KCNJ6: variants seen among roughly 807,000 people sequenced by gnomAD.
KCNJ6 encodes potassium inwardly rectifying channel subfamily J member 6, also known as G protein-activated inward rectifier potassium channel 2.
In KCNJ6, 9 loss-of-function variants were observed where a neutral mutation model predicts 34.2. The ratio of observed to expected loss-of-function variants is 0.26; its 90% CI spans 0.16 to 0.46. The LOEUF (loss-of-function observed/expected upper bound fraction) is 0.46. KCNJ6 is among the 20% of genes least tolerant of loss of function. KCNJ6 has a pLI of 1.00. For missense variants in KCNJ6, 236 were observed against 531.3 expected (o/e 0.44, Z 5.46); for synonymous variants, 196 against 207.1 (o/e 0.95, Z 0.46).
chr21:37,745,072 G>GTTTTTTTTTT (rs58661633), intron 2 of KCNJ6, among the ~76,000 whole-genome samples: 1 of 89,458 alleles, frequency 1.1e-5, no homozygotes, highest in Non-Finnish European at 2.1e-5. Flanking sequence ...AACGTTGCTG[G>GTTTTTTTTTT]TTTTTTTTTT....
intron 3 of KCNJ6, among the ~76,000 whole-genome samples, chr21:37,703,178 T>A (rs2054700485): frequency 6.6e-6 from 1 of 152,108 alleles, no homozygotes; most frequent in African/African-American, 2.4e-5. Context: ...TTGATGGAAA[T>A]AGAACTATTA....
chr21:37,630,152 G>GTGTGTGTGTA (rs1050270468), intron 3 of KCNJ6, among the ~76,000 whole-genome samples: 2 of 151,186 alleles, frequency 1.3e-5, no homozygotes, highest in Non-Finnish European at 2.9e-5. Flanking sequence ...GTGTGTGTGT[G>GTGTGTGTGTA]TGTGTGGTGT....
At chr21:37,710,980 C>T (rs942487559) in intron 3 of KCNJ6, among the ~76,000 whole-genome samples, 1 of 152,188 alleles carries the variant, frequency 6.6e-6, no homozygotes, top group Non-Finnish European at 1.5e-5. Flanking sequence ...TGAAAGGTCG[C>T]CTGGCATGTC....
At chr21:37,797,143 C>G (rs1325903238) in intron 2 of KCNJ6, among the ~76,000 whole-genome samples, 1 of 151,982 alleles carries the variant, frequency 6.6e-6, no homozygotes, top group Non-Finnish European at 1.5e-5. Context: ...CTCAATGCCA[C>G]CTCTCTGCCC....
intron 2 of KCNJ6, among the ~76,000 whole-genome samples, chr21:37,724,343 C>G (rs1454846611): frequency 6.6e-6 from 1 of 152,118 alleles, no homozygotes; most frequent in Non-Finnish European, 1.5e-5. Context: ...TTTTTACAAC[C>G]CTTACAACAC....
chr21:37,794,646 A>G (rs1346874162), intron 2 of KCNJ6, among the ~76,000 whole-genome samples: 2 of 152,174 alleles, frequency 1.3e-5, no homozygotes, highest in Non-Finnish European at 2.9e-5. Context: ...CAAACACCAC[A>G]TATTCTCATT....
chr21:37,754,911 G>C (rs2055016192), intron 2 of KCNJ6, among the ~76,000 whole-genome samples: 1 of 152,186 alleles, frequency 6.6e-6, no homozygotes, highest in Admixed American at 6.5e-5. Context: ...CTAAGCCGCA[G>C]TGCAGCTGGA....
At chr21:37,732,345 G>A (rs573654369) in intron 2 of KCNJ6, among the ~76,000 whole-genome samples, 3 of 152,276 alleles carry the variant, frequency 2.0e-5, no homozygotes, top group Admixed American at 6.5e-5. Flanking sequence ...CACCTATCCT[G>A]GAGTGTCCAT....
intron 1 of KCNJ6, among the ~76,000 whole-genome samples, chr21:37,872,802 C>T (rs10460715): frequency 0.43 from 64,659 of 151,906 alleles, 14,970 homozygotes; most frequent in South Asian, 0.59. Flanking sequence ...GGGAACTGGT[C>T]GGAGGTAATT....
chr21:37,728,631 G>A (rs536905334), intron 2 of KCNJ6, among the ~76,000 whole-genome samples: 13 of 152,160 alleles, frequency 8.5e-5, no homozygotes, highest in African/African-American at 2.4e-4. Flanking sequence ...TGATTCCTGC[G>A]ATCTTGGATT....
intron 3 of KCNJ6, among the ~76,000 whole-genome samples, chr21:37,687,242 C>T (rs535488294): frequency 9.2e-5 from 14 of 152,266 alleles, no homozygotes; most frequent in African/African-American, 3.4e-4. Flanking sequence ...CAGCCGGTAT[C>T]TCAGCAACGC....
chr21:37,905,588 A>G (rs1319352004), intron 1 of KCNJ6, among the ~76,000 whole-genome samples: 1 of 151,992 alleles, frequency 6.6e-6, no homozygotes. Context: ...ACTCCTTCAC[A>G]TTTCCCCACA....
At position 37,741,134 on chromosome 21, in the gene KCNJ6, T is replaced by C. The variant is rs150937955; in HGVS notation, c.26-26003A>G. ...TTCCCTCAATTTCTTTGCTGTCATA[T>C]TGACTTGCTTGCAAGATATTTCCAC... is the stretch of plus-strand genomic sequence containing the variant. On this transcript the variant is annotated intron_variant, in intron 2 of 3. Coordinates refer to ENST00000609713, the MANE Select transcript of KCNJ6 (RefSeq NM_002240.5). Among the ~76,000 whole-genome samples, 6 of 152,382 alleles carry C rather than the reference T, an allele frequency of 3.9e-5. No homozygotes were observed. In the East Asian group the frequency reaches 1.2e-3, roughly 29 times the overall value.
chr21:37,709,522 AGAAAAG>A (rs1569449443), intron 3 of KCNJ6, among the ~76,000 whole-genome samples: 1 of 147,892 alleles, frequency 6.8e-6, no homozygotes, highest in Non-Finnish European at 1.5e-5. Context: ...CTCAAAAAAA[AGAAAAG>A]AAAAGAAAAG....
chr21:37,907,509 C>G (rs899681661), intron 1 of KCNJ6, among the ~76,000 whole-genome samples: 2 of 152,184 alleles, frequency 1.3e-5, no homozygotes, highest in Non-Finnish European at 2.9e-5. Context: ...ACTCCAACCC[C>G]AGTTCCTAGC....
chr21:37,899,987 T>A (rs1023402778), intron 1 of KCNJ6, among the ~76,000 whole-genome samples: 1 of 152,214 alleles, frequency 6.6e-6, no homozygotes, highest in African/African-American at 2.4e-5. Flanking sequence ...GAATGACCTG[T>A]CCAGCTTCTT....
chr21:37,773,308 T>C (rs1298259579), intron 2 of KCNJ6, among the ~76,000 whole-genome samples: 1 of 152,178 alleles, frequency 6.6e-6, no homozygotes, highest in African/African-American at 2.4e-5. Context: ...CCCCGTCAAC[T>C]GGCTACATGT....
chr21:37,912,756 T>C (rs2055872974), intron 1 of KCNJ6, among the ~76,000 whole-genome samples: 1 of 152,226 alleles, frequency 6.6e-6, no homozygotes, highest in African/African-American at 2.4e-5. Flanking sequence ...CTGTCTTCAC[T>C]AGCAATCATT....
At chr21:37,788,660 T>G (rs1200363696) in intron 2 of KCNJ6, among the ~76,000 whole-genome samples, 2 of 152,196 alleles carry the variant, frequency 1.3e-5, no homozygotes, top group Non-Finnish European at 2.9e-5. Context: ...TTTTCCTTTC[T>G]GAGAAATCTG....
Sources: allele counts gnomAD v4.1 joint callset (sites outside exome capture counted in the v4.1 genomes callset), GRCh38; gene constraint gnomAD v4.1.1; transcripts MANE v1.5; gene names NCBI Gene and HGNC (gene_info 2026-07-23, HGNC 2026-07-21).